The following ANKRD36C variants were observed in gnomAD, a reference collection of about 807,000 sequenced individuals.
The protein encoded by ANKRD36C is ankyrin repeat domain-containing protein 36C.
A neutral mutation model predicts 276.4 loss-of-function variants in ANKRD36C; 61 were observed. The observed-to-expected ratio is 0.22, with a 90% CI of 0.18 to 0.27. The LOEUF is 0.27. Ranked by LOEUF, ANKRD36C falls within the 10% of genes least tolerant of loss-of-function variation. The probability of loss-of-function intolerance (pLI) is 1.00; values close to 1 mark genes in which losing one functional copy is unlikely to be tolerated. For synonymous variants in ANKRD36C, 483 were observed against 680.1 expected, an observed-to-expected ratio of 0.71 and a Z score of 4.51; for missense variants, 1,447 against 2,032.3, an observed-to-expected ratio of 0.71 and a Z score of 5.54.
rs1677979969 is a variant in ANKRD36C at position 95,944,508 on chromosome 2, T to G, written c.1491+119A>C. 4.6e-6 allele frequency: 5 copies of G among 1,082,124 alleles called. 1 individual carries two copies. In the East Asian group the frequency reaches 1.3e-4, roughly 28 times the overall value. The allele number at this position is 1,082,124 out of a possible 1,614,324, so 67.0% of individuals were successfully genotyped here. ...GTGAATAAAGCATGGGAAAACTATT[T>G]TCCAAATAAAACAATTTACCATTGT... is the stretch of plus-strand genomic sequence containing the variant. On this transcript the variant is annotated intron_variant, in intron 19 of 66. Transcript: ENST00000456556.
chr2:95,925,470 C>T (rs1486042330), intron 29 of ANKRD36C, 46 bp from the exon 30 acceptor site: 4 of 1,547,206 alleles, frequency 2.6e-6, no homozygotes, highest in Non-Finnish European at 3.5e-6. Context: ...ATATATATTT[C>T]ATAGGCTATG....
rs537643735 is a variant in ANKRD36C at position 95,902,535 on chromosome 2, T to C, written c.2654-3199A>G. On this transcript the variant is annotated intron_variant, in intron 42 of 66. Transcript: ENST00000456556. Reference sequence around the variant, plus strand: ...TTTCTATCTTTTCTTGGCAGTACGATCTGAAGTGTGTAAATTCTATACTTC... The same window carrying C: ...TTTCTATCTTTTCTTGGCAGTACGACCTGAAGTGTGTAAATTCTATACTTC... Among the ~76,000 whole-genome samples, 5 of 150,602 alleles carry C rather than the reference T, an allele frequency of 3.3e-5. No homozygotes were observed. In the South Asian group the frequency reaches 1.0e-3, roughly 31 times the overall value.
chr2:95,857,570 C>T (rs1328949218), intron 61 of ANKRD36C, 78 bp from the exon 82 acceptor site: 15 of 1,428,436 alleles, frequency 1.1e-5, no homozygotes, highest in Middle Eastern at 2.6e-4. Flanking sequence ...CAAATTCCTA[C>T]CTAAGGGGTC....
chr2:95,928,413 G>A (rs943997015), intron 26 of ANKRD36C, among the ~76,000 whole-genome samples: 2 of 151,402 alleles, frequency 1.3e-5, no homozygotes, highest in Non-Finnish European at 3.0e-5. Flanking sequence ...GTAACAAAGA[G>A]GAGTAATGAG....
chr2:95,911,173 T>A (rs1437850245), intron 42 of ANKRD36C, among the ~76,000 whole-genome samples: 2 of 151,498 alleles, frequency 1.3e-5, no homozygotes, highest in African/African-American at 4.8e-5. Flanking sequence ...ATACTTTGCT[T>A]AAGTTTCTTT....
chr2:95,917,705 T>C, intron 36 of ANKRD36C, 150 bp downstream of exon 38: 15 of 1,131,470 alleles, frequency 1.3e-5, no homozygotes, highest in Non-Finnish European at 1.9e-5. Context: ...CACCCAAGAA[T>C]TTATTACAAA....
intron 61 of ANKRD36C, 44 bp downstream of exon 81, chr2:95,859,817 T>C (rs770889935): frequency 1.9e-6 from 3 of 1,542,654 alleles, no homozygotes. Context: ...ACGTCTTTAA[T>C]ATAAAACAAA....
intron 40 of ANKRD36C, among the ~76,000 whole-genome samples, chr2:95,912,812 T>A (rs953494870): frequency 1.3e-5 from 2 of 151,446 alleles, no homozygotes; most frequent in Non-Finnish European, 3.0e-5. Flanking sequence ...ATGTCTTTCA[T>A]GCAACAAATC....
At position 95,891,641 on chromosome 2, in the gene ANKRD36C, C is replaced by G. The variant is rs1472177138; in HGVS notation, c.2857+24G>C. ...TCTTATCTATCTGCACTGAACATGA[C>G]ATTAAATCTCTTTTCAAAATTACCT... On this transcript the variant is annotated intron_variant, in intron 46 of 66. Coordinates refer to ENST00000456556, the Ensembl canonical transcript of ANKRD36C. The G allele has an allele frequency of 2.6e-6, 4 of 1,544,656 alleles. No homozygotes were observed. In the Admixed American group the frequency reaches 7.8e-5, roughly 30 times the overall value.
chr2:95,931,096 C>T (rs1573776819), intron 24 of ANKRD36C, among the ~76,000 whole-genome samples: 1 of 151,634 alleles, frequency 6.6e-6, no homozygotes. Context: ...ATTCTTTGAC[C>T]TCCACATTAG....
rs553469985 is a variant in ANKRD36C, at chr2:95,926,993, A to G, written c.1939+221T>C. On this transcript the variant is annotated intron_variant, in intron 28 of 66. Transcript: ENST00000456556. ...TCCTTTTGTCTTTAATGGCTCTCCA[A>G]CGTTTATTCTTCCCAATTTCAATGT... Among the ~76,000 whole-genome samples, 16 of 151,710 alleles carry G rather than the reference A, an allele frequency of 1.1e-4. 1 individual carries two copies. In the South Asian group the frequency reaches 3.3e-3, roughly 31 times the overall value.
intron 42 of ANKRD36C, 89 bp from the exon 47 acceptor site, chr2:95,908,786 C>G (rs1179749921): frequency 3.0e-5 from 45 of 1,523,736 alleles, no homozygotes; most frequent in Non-Finnish European, 3.0e-5. Flanking sequence ...CAACCTCTGT[C>G]CTCCTGCCTG....
intron 64 of ANKRD36C, 125 bp from the exon 85 acceptor site, chr2:95,852,321 G>T (rs1416035522): frequency 2.5e-6 from 2 of 786,134 alleles, no homozygotes; most frequent in Admixed American, 2.8e-5. Context: ...TTTATAAAAG[G>T]TCATAATCTA....
At chr2:95,886,188 T>C (rs1676198745) in intron 51 of ANKRD36C, 28 bp downstream of exon 71, 1 of 1,475,264 alleles carries the variant, frequency 6.8e-7, no homozygotes, top group Non-Finnish European at 9.2e-7. Flanking sequence ...CAGTTAATAG[T>C]TCAAAATATA....
intron 59 of ANKRD36C, among the ~76,000 whole-genome samples, chr2:95,872,108 TGA>T (rs1289564466): frequency 6.8e-6 from 1 of 147,306 alleles, no homozygotes; most frequent in Non-Finnish European, 1.5e-5. Context: ...GACAGATCAA[TGA>T]GACAGAAAGT....
chr2:95,883,371 T>A (rs544255079), intron 54 of ANKRD36C, among the ~76,000 whole-genome samples: 2 of 152,300 alleles, frequency 1.3e-5, no homozygotes, highest in African/African-American at 4.8e-5. Context: ...TGAAGTATCA[T>A]GCTACTCTCT....
chr2:95,895,690 T>A (rs1676518287), intron 44 of ANKRD36C, 100 bp from the exon 61 acceptor site: 1 of 1,539,950 alleles, frequency 6.5e-7, no homozygotes, highest in African/African-American at 1.4e-5. Context: ...CTCCTGCCTG[T>A]ATTAGTGGAG....
exon 48 of ANKRD36C, chr2:95,889,811 T>C: frequency 1.3e-6 from 2 of 1,591,800 alleles, no homozygotes; most frequent in Non-Finnish European, 1.7e-6. Context: ...GTCCCAGATA[T>C]TTGTTCATCC....
intron 44 of ANKRD36C, among the ~76,000 whole-genome samples, chr2:95,892,736 C>G (rs1426390059): frequency 2.6e-5 from 4 of 151,162 alleles, no homozygotes; most frequent in African/African-American, 9.7e-5. Flanking sequence ...TCACGTTGTT[C>G]TCTAAAGAAG....
Sources: allele counts gnomAD v4.1 joint callset (sites outside exome capture counted in the v4.1 genomes callset), GRCh38; gene constraint gnomAD v4.1.1; transcripts MANE v1.5; gene names NCBI Gene and HGNC (gene_info 2026-07-23, HGNC 2026-07-21).